The following MYO3A variants were observed in gnomAD, a reference collection of about 807,000 sequenced individuals.
The protein encoded by MYO3A is myosin IIIA.
In MYO3A, 180 loss-of-function variants were observed where a neutral mutation model predicts 192.7. The observed-to-expected ratio is 0.93, with a 90% CI of 0.83 to 1.06. MYO3A has a LOEUF of 1.06. MYO3A is among the 50% of genes least tolerant of loss of function. The pLI, the probability that MYO3A is intolerant of heterozygous loss-of-function variation, is 0.00. For synonymous variants in MYO3A, 628 were observed against 645.3 expected (o/e 0.97, Z 0.41); for missense variants, 1,896 against 1,905.0 (o/e 1.00, Z 0.09).
intron 4 of MYO3A, among the ~76,000 whole-genome samples, chr10:25,991,834 T>C (rs886721283): frequency 2.0e-5 from 3 of 151,972 alleles, no homozygotes; most frequent in African/African-American, 7.3e-5. Flanking sequence ...AGATGTGTGG[T>C]ATTATTTCTG....
At chr10:26,041,297 GT>G (rs1268919208) in intron 10 of MYO3A, among the ~76,000 whole-genome samples, 1 of 151,874 alleles carries the variant, frequency 6.6e-6, no homozygotes, top group Non-Finnish European at 1.5e-5. Flanking sequence ...GATGAAGTGT[GT>G]TTCTTGTAAG....
intron 18 of MYO3A, among the ~76,000 whole-genome samples, chr10:26,121,261 G>C (rs1372133621): frequency 6.6e-6 from 1 of 151,414 alleles, no homozygotes; most frequent in Non-Finnish European, 1.5e-5. Flanking sequence ...GCATGTCATA[G>C]TATTTGCTTC....
chr10:25,956,059 G>A (rs962623963), intron 4 of MYO3A, among the ~76,000 whole-genome samples: 4 of 152,146 alleles, frequency 2.6e-5, no homozygotes, highest in African/African-American at 9.6e-5. Flanking sequence ...ATGCTCTGGA[G>A]AGAAGAAACG....
chr10:26,165,857 A>G (rs1841715099), intron 26 of MYO3A: 1 of 616,766 alleles, frequency 1.6e-6, no homozygotes, highest in Non-Finnish European at 2.9e-6. Context: ...GTGAAAACAC[A>G]ATGCTCAAAT....
chr10:25,977,977 A>G (rs926149307), intron 4 of MYO3A, among the ~76,000 whole-genome samples: 18 of 151,994 alleles, frequency 1.2e-4, no homozygotes, highest in African/African-American at 2.2e-4. Flanking sequence ...TTTTTTTGTT[A>G]TTTACTCCCA....
chr10:26,128,304 C>T, intron 19 of MYO3A, 87 bp from the exon 20 acceptor site: 2 of 1,379,888 alleles, frequency 1.4e-6, no homozygotes, highest in Middle Eastern at 1.8e-4. Context: ...TTTCTTAGCT[C>T]AGTCACAAAT....
At chr10:26,170,370 T>A in intron 28 of MYO3A, 46 bp from the exon 29 acceptor site, 1 of 1,598,168 alleles carries the variant, frequency 6.3e-7, no homozygotes, top group Non-Finnish European at 8.5e-7. Context: ...GTAAATTTCT[T>A]TTATTTGTTT....
rs777941401 is a variant in MYO3A at position 25,992,493 on chromosome 10, C to T, written c.304-3997C>T. Among the ~76,000 whole-genome samples the T allele has an allele frequency of 3.8e-4, 58 of 152,298 alleles. 1 individual carries two copies. Among genetic ancestry groups the T allele is most frequent in the Non-Finnish European group, 5.0e-4 (34 of 68,008 alleles). The stretch of plus-strand genomic sequence containing the variant: ...TGACTTCTTCTTTCCTAATTGAATA[C>T]CCTTTATTTCTTTCTCTTGCCTGAT... On this transcript the variant is annotated intron_variant, in intron 4 of 34. Transcript: ENST00000642920.
chr10:26,184,946 G>C (rs956261807), intron 31 of MYO3A, among the ~76,000 whole-genome samples: 7 of 152,200 alleles, frequency 4.6e-5, no homozygotes, highest in African/African-American at 7.2e-5. Flanking sequence ...AGATCCATTA[G>C]AGGCCAAATA....
At chr10:26,084,306 G>A (rs1836166731) in intron 14 of MYO3A, among the ~76,000 whole-genome samples, 2 of 152,246 alleles carry the variant, frequency 1.3e-5, no homozygotes, top group Non-Finnish European at 2.9e-5. Flanking sequence ...TGGACATGAT[G>A]TATAATCTTT....
At chr10:26,191,516 G>A (rs1348055155) in intron 31 of MYO3A, among the ~76,000 whole-genome samples, 3 of 152,104 alleles carry the variant, frequency 2.0e-5, no homozygotes, top group African/African-American at 4.8e-5. Context: ...ATCTCTTTTT[G>A]TTTTATTCAA....
At chr10:25,980,246 A>T (rs1158696874) in intron 4 of MYO3A, among the ~76,000 whole-genome samples, 1 of 151,884 alleles carries the variant, frequency 6.6e-6, no homozygotes, top group African/African-American at 2.4e-5. Context: ...CAAAAAAAAA[A>T]AAAAAGCAAA....
At chr10:26,069,380 A>G (rs1203094622) in intron 12 of MYO3A, among the ~76,000 whole-genome samples, 1 of 152,086 alleles carries the variant, frequency 6.6e-6, no homozygotes, top group Non-Finnish European at 1.5e-5. Flanking sequence ...TGAATATATA[A>G]TTATCAATTA....
rs556820108 is a variant in MYO3A, at chr10:26,056,049, A to G, written c.954-10926A>G. ...GGTATGTTGAATTACCACACCAGGAATTTTTTGTAAGTCCACAGTTAATAT... is the reference window on the plus strand; with the variant it reads ...GGTATGTTGAATTACCACACCAGGAGTTTTTTGTAAGTCCACAGTTAATAT... On this transcript the variant is annotated intron_variant, in intron 10 of 34. Transcript: ENST00000642920. 2.6e-5 allele frequency among the ~76,000 whole-genome samples: 4 copies of G among 152,314 alleles called. No homozygotes were observed. In the South Asian group the frequency reaches 6.2e-4, roughly 24 times the overall value.
chr10:26,152,520 T>C (rs1840854494), intron 23 of MYO3A, among the ~76,000 whole-genome samples: 1 of 152,240 alleles, frequency 6.6e-6, no homozygotes, highest in Non-Finnish European at 1.5e-5. Context: ...AGTTCAGCCA[T>C]TTTTAGGGGA....
intron 5 of MYO3A, among the ~76,000 whole-genome samples, chr10:25,996,832 A>G (rs985686146): frequency 6.6e-6 from 1 of 152,214 alleles, no homozygotes; most frequent in Non-Finnish European, 1.5e-5. Context: ...TGAGACTGTG[A>G]TAGTGATGAA....
At chr10:26,033,901 C>G (rs539745646) in intron 10 of MYO3A, among the ~76,000 whole-genome samples, 1 of 152,074 alleles carries the variant, frequency 6.6e-6, no homozygotes, top group Admixed American at 6.5e-5. Flanking sequence ...AGGAGATAAG[C>G]TGACAGAAAG....
At chr10:26,193,024 C>T (rs1160003909) in intron 31 of MYO3A, among the ~76,000 whole-genome samples, 181 bp from the exon 32 acceptor site, 1 of 152,090 alleles carries the variant, frequency 6.6e-6, no homozygotes. Context: ...CACCAGACAA[C>T]TAGAGGAAAG....
At chr10:25,997,071 C>T in intron 5 of MYO3A, 88 bp from the exon 6 acceptor site, 11 of 948,590 alleles carry the variant, frequency 1.2e-5, no homozygotes, top group Non-Finnish European at 1.9e-5. Context: ...TTATGTGTTT[C>T]CTATTGATTT....
Sources: allele counts gnomAD v4.1 joint callset (sites outside exome capture counted in the v4.1 genomes callset), GRCh38; gene constraint gnomAD v4.1.1; transcripts MANE v1.5; gene names NCBI Gene and HGNC (gene_info 2026-07-23, HGNC 2026-07-21).